Variants in PLXNA4 observed in about 807,000 individuals in gnomAD.
The protein encoded by PLXNA4 is plexin-A4.
PLXNA4 carries 44 observed loss-of-function variants against 191.8 expected under a neutral mutation model. The ratio of observed to expected loss-of-function variants is 0.23; its 90% CI spans 0.18 to 0.29. The LOEUF (loss-of-function observed/expected upper bound fraction) is 0.29. Ranked by LOEUF, PLXNA4 falls within the 10% of genes least tolerant of loss-of-function variation. The pLI is 1.00. For missense variants in PLXNA4, 1,800 were observed against 2,488.8 expected (o/e 0.72, Z 5.89); for synonymous variants, 1,082 against 1,009.5 (o/e 1.07, Z -1.36).
At chr7:132,519,137 A>G (rs1020579227) in intron 1 of PLXNA4, among the ~76,000 whole-genome samples, 2 of 152,212 alleles carry the variant, frequency 1.3e-5, no homozygotes, top group Non-Finnish European at 2.9e-5. Context: ...ATAGAATCCT[A>G]AACTTCTTTC....
intron 3 of PLXNA4, among the ~76,000 whole-genome samples, chr7:132,454,130 A>C (rs747831282): frequency 6.6e-6 from 1 of 152,188 alleles, no homozygotes; most frequent in Non-Finnish European, 1.5e-5. Flanking sequence ...CTGTCAATGA[A>C]AGTAAAGGAA....
Position 132,126,086 on chromosome 7 carries a change from TC to T in PLXNA4, c.*4392del, listed in dbSNP as rs1402486679. ...ACTTCACATTACTGTGTCCCCTTGG[TC>T]CTGGGAAAGAAGACAGATGGAAATT... On this transcript the variant is annotated 3_prime_UTR_variant, in exon 32 of 32. Coordinates refer to ENST00000321063, the MANE Select transcript of PLXNA4 (RefSeq NM_020911.2). 6.6e-6 allele frequency: 1 copy of T among 152,420 alleles called. No individual in the cohort carries two copies. Among genetic ancestry groups the T allele is most frequent in the Non-Finnish European group, 1.5e-5 (1 of 68,226 alleles). The allele number at this position is 152,420 out of a possible 1,614,324, so 9.4% of individuals were successfully genotyped here. A position where few individuals can be genotyped will look rare whatever the true frequency, so the allele number is the denominator to read the frequency against.
intron 5 of PLXNA4, among the ~76,000 whole-genome samples, chr7:132,232,790 G>A (rs969198468): frequency 1.3e-5 from 2 of 152,178 alleles, no homozygotes; most frequent in Non-Finnish European, 2.9e-5. Context: ...TGGTGATTAA[G>A]TCCTCTAGAA....
At chr7:132,289,840 T>TTC (rs1380178732) in intron 4 of PLXNA4, among the ~76,000 whole-genome samples, 1 of 143,638 alleles carries the variant, frequency 7.0e-6, no homozygotes, top group Non-Finnish European at 1.5e-5. Context: ...GCTAATTAAT[T>TTC]TTTTTTTTTT....
At chr7:132,252,756 C>T (rs1342501438) in intron 4 of PLXNA4, among the ~76,000 whole-genome samples, 4 of 152,066 alleles carry the variant, frequency 2.6e-5, no homozygotes, top group Non-Finnish European at 4.4e-5. Flanking sequence ...ACCTAGACAC[C>T]GGTGGTTGGC....
At chr7:132,227,374 C>G in intron 7 of PLXNA4, 77 bp downstream of exon 7, 1 of 1,582,784 alleles carries the variant, frequency 6.3e-7, no homozygotes, top group Non-Finnish European at 8.6e-7. Context: ...GCTTTGATCC[C>G]CCCACATCTG....
At chr7:132,320,372 C>CG in intron 3 of PLXNA4, among the ~76,000 whole-genome samples, 1 of 152,282 alleles carries the variant, frequency 6.6e-6, no homozygotes. Context: ...TCACATGGCC[C>CG]GGGTCTCTCT....
chr7:132,283,006 G>A (rs891491466), intron 4 of PLXNA4, among the ~76,000 whole-genome samples: 1 of 151,876 alleles, frequency 6.6e-6, no homozygotes, highest in Non-Finnish European at 1.5e-5. Flanking sequence ...CCCCCCCCAA[G>A]TAACTGGGAC....
At chr7:132,332,541 A>G (rs1367273127) in intron 3 of PLXNA4, among the ~76,000 whole-genome samples, 2 of 152,154 alleles carry the variant, frequency 1.3e-5, no homozygotes, top group African/African-American at 4.8e-5. Context: ...CCTCACTGGG[A>G]GAATTTATTC....
At chr7:132,137,051 C>T (rs1185878977) in intron 30 of PLXNA4, among the ~76,000 whole-genome samples, 4 of 152,302 alleles carry the variant, frequency 2.6e-5, no homozygotes, top group Admixed American at 1.3e-4. Context: ...GTACCCAACT[C>T]ACTCATGATG....
At chr7:132,430,033 C>G (rs927829540) in intron 3 of PLXNA4, among the ~76,000 whole-genome samples, 1 of 152,184 alleles carries the variant, frequency 6.6e-6, no homozygotes, top group Non-Finnish European at 1.5e-5. Context: ...ATCTGCCCCT[C>G]TCTATGCAGA....
At chr7:132,274,911 G>A (rs759515335) in intron 4 of PLXNA4, among the ~76,000 whole-genome samples, 19 of 151,754 alleles carry the variant, frequency 1.3e-4, no homozygotes, top group South Asian at 4.2e-4. Context: ...CCCAGCCTCA[G>A]TGCATCATAT....
intron 2 of PLXNA4, among the ~76,000 whole-genome samples, chr7:132,588,584 A>G (rs1323504112): frequency 1.3e-5 from 2 of 150,434 alleles, no homozygotes; most frequent in Non-Finnish European, 2.9e-5. Flanking sequence ...TTCTTCATGC[A>G]TATTCAGACA....
At chr7:132,450,489 G>C (rs778156550) in intron 3 of PLXNA4, among the ~76,000 whole-genome samples, 6 of 152,140 alleles carry the variant, frequency 3.9e-5, no homozygotes, top group Non-Finnish European at 5.9e-5. Context: ...TAATGAGAAA[G>C]CTCTAAGAGC....
At chr7:132,610,396 G>A (rs754283341) in intron 2 of PLXNA4, among the ~76,000 whole-genome samples, 1 of 152,182 alleles carries the variant, frequency 6.6e-6, no homozygotes, top group African/African-American at 2.4e-5. Context: ...CTGCTGCACT[G>A]GCAGGCATTT....
chr7:132,510,785 T>A (rs909907625), intron 1 of PLXNA4, among the ~76,000 whole-genome samples: 5 of 152,106 alleles, frequency 3.3e-5, no homozygotes, highest in Non-Finnish European at 5.9e-5. Context: ...GGGGTCTACA[T>A]AGCAGAAGCA....
chr7:132,173,460 A>G (rs1209819575), intron 21 of PLXNA4, among the ~76,000 whole-genome samples: 7 of 152,218 alleles, frequency 4.6e-5, no homozygotes, highest in Admixed American at 4.6e-4. Flanking sequence ...GTCACCTCCA[A>G]CTTATGAAAG....
chr7:132,296,726 C>T (rs771340980), intron 4 of PLXNA4, among the ~76,000 whole-genome samples: 2 of 152,162 alleles, frequency 1.3e-5, no homozygotes, highest in African/African-American at 2.4e-5. Flanking sequence ...GCTGCTTCCC[C>T]TCAGCTCCTA....
intron 3 of PLXNA4, chr7:132,484,683 A>G: frequency 7.0e-7 from 1 of 1,422,584 alleles, no homozygotes; most frequent in Non-Finnish European, 9.4e-7. Context: ...CCCTAACCAC[A>G]TGTTCCTAGT....
Sources: gnomAD v4.1 joint callset for allele counts (sites outside exome capture counted in the v4.1 genomes callset) on GRCh38, gnomAD v4.1.1 for gene constraint, MANE v1.5 for transcripts, NCBI Gene and HGNC (gene_info 2026-07-23, HGNC 2026-07-21) for gene names.